The following GALNT8 variants were observed in gnomAD, a reference collection of about 807,000 sequenced individuals.
GALNT8 encodes probable polypeptide N-acetylgalactosaminyltransferase 8.
A neutral mutation model predicts 62.7 loss-of-function variants in GALNT8; 66 were observed. That is an observed-to-expected ratio of 1.05 (90% confidence interval 0.86 to 1.29). The LOEUF is 1.29. GALNT8 is among the 50% of genes most tolerant of loss of function. The probability of loss-of-function intolerance (pLI) is 0.00; values close to 1 mark genes in which losing one functional copy is unlikely to be tolerated. For missense variants in GALNT8, 771 were observed against 791.8 expected (o/e 0.97, Z 0.32); for synonymous variants, 288 against 294.3 (o/e 0.98, Z 0.22).
At chr12:4,731,059 A>T (rs536079783) in intron 2 of GALNT8, among the ~76,000 whole-genome samples, 52 of 152,122 alleles carry the variant, frequency 3.4e-4, no homozygotes, top group African/African-American at 1.1e-3. Flanking sequence ...CATGGTCTCT[A>T]TCTCCTGACC....
chr12:4,743,496 C>T (rs11063326), intron 3 of GALNT8, among the ~76,000 whole-genome samples: 27,172 of 152,090 alleles, frequency 0.18, 2,864 homozygotes, highest in South Asian at 0.24. Flanking sequence ...CAAATATGCT[C>T]GTCTTTTGAG....
intron 4 of GALNT8, among the ~76,000 whole-genome samples, chr12:4,745,028 G>T (rs1387189020): frequency 4.6e-5 from 7 of 152,060 alleles, no homozygotes; most frequent in African/African-American, 9.7e-5. Context: ...TTTTTCCCCA[G>T]CCATGAAATT....
At chr12:4,767,352 A>G (rs538941548) in intron 10 of GALNT8, among the ~76,000 whole-genome samples, 1 of 152,334 alleles carries the variant, frequency 6.6e-6, no homozygotes, top group African/African-American at 2.4e-5. Context: ...CATCTGGCAC[A>G]ACCCCTAGAA....
At chr12:4,766,815 A>G (rs1946402204) in intron 10 of GALNT8, among the ~76,000 whole-genome samples, 1 of 151,988 alleles carries the variant, frequency 6.6e-6, no homozygotes. Flanking sequence ...ACAGTTTCTA[A>G]CTTTTCAAAG....
chr12:4,765,754 C>A (rs534335554), intron 10 of GALNT8, among the ~76,000 whole-genome samples: 2 of 152,096 alleles, frequency 1.3e-5, no homozygotes, highest in Non-Finnish European at 2.9e-5. Context: ...CAGTCTGGGT[C>A]CATTTCTATG....
At chr12:4,748,457 G>A (rs981326953) in intron 6 of GALNT8, among the ~76,000 whole-genome samples, 2 of 152,076 alleles carry the variant, frequency 1.3e-5, no homozygotes, top group African/African-American at 4.8e-5. Flanking sequence ...AGTTTTCCCA[G>A]CACCATTTAT....
At chr12:4,724,209 G>T (rs937325624) in intron 1 of GALNT8, among the ~76,000 whole-genome samples, 1 of 144,858 alleles carries the variant, frequency 6.9e-6, no homozygotes, top group Non-Finnish European at 1.5e-5. Context: ...GTTGAATCAT[G>T]TAAGCTACCA....
chr12:4,722,207 T>C (rs112528666), intron 1 of GALNT8, among the ~76,000 whole-genome samples: 143 of 152,250 alleles, frequency 9.4e-4, no homozygotes, highest in African/African-American at 3.3e-3. Flanking sequence ...CACGCCTATG[T>C]GTGGTAGGGG....
intron 6 of GALNT8, among the ~76,000 whole-genome samples, chr12:4,758,986 G>C (rs868760680): frequency 6.6e-6 from 1 of 152,040 alleles, no homozygotes; most frequent in East Asian, 1.9e-4. Flanking sequence ...ATGTTGGCCA[G>C]GCTGGTCTCA....
intron 6 of GALNT8, among the ~76,000 whole-genome samples, chr12:4,753,407 T>A (rs1315889811): frequency 6.6e-6 from 1 of 152,184 alleles, no homozygotes; most frequent in Non-Finnish European, 1.5e-5. Context: ...AAATAGCCTG[T>A]CCTCAAGCTT....
At chr12:4,760,917 T>C (rs1296257192) in intron 6 of GALNT8, 41 bp from the exon 7 acceptor site, 3 of 1,556,796 alleles carry the variant, frequency 1.9e-6, no homozygotes, top group African/African-American at 1.4e-5. Context: ...TGCAATTCAT[T>C]GGCTGTGAAG....
intron 2 of GALNT8, among the ~76,000 whole-genome samples, chr12:4,733,461 A>G (rs1190707310): frequency 1.3e-5 from 2 of 152,224 alleles, no homozygotes; most frequent in African/African-American, 4.8e-5. Flanking sequence ...AGCCAAGAAT[A>G]TGCAAAAGAT....
chr12:4,740,091 T>C (rs1474762436), intron 3 of GALNT8, among the ~76,000 whole-genome samples: 1 of 152,146 alleles, frequency 6.6e-6, no homozygotes, highest in East Asian at 1.9e-4. Flanking sequence ...TCTCCCTGGG[T>C]CATTAAGCCT....
chr12:4,765,352 C>G, intron 9 of GALNT8, 27 bp from the exon 10 acceptor site: 1 of 1,014,390 alleles, frequency 9.9e-7, no homozygotes, highest in Non-Finnish European at 1.3e-6. Flanking sequence ...GAGCCCTCTG[C>G]TTTTTTTTTT....
intron 1 of GALNT8, among the ~76,000 whole-genome samples, chr12:4,722,702 G>T (rs1946176442): frequency 6.6e-6 from 1 of 152,164 alleles, no homozygotes; most frequent in Non-Finnish European, 1.5e-5. Context: ...TTATGTGTGG[G>T]CAGGGATGTG....
chr12:4,738,098 A>G (rs1173304772), intron 2 of GALNT8, among the ~76,000 whole-genome samples: 1 of 152,164 alleles, frequency 6.6e-6, no homozygotes, highest in Non-Finnish European at 1.5e-5. Context: ...ATCCTTTTAC[A>G]TGGGGGAAAA....
chr12:4,720,812 TC>T lies in GALNT8; in HGVS notation c.137del (p.Pro46LeufsTer4). 1.2e-6 allele frequency: 2 copies of T among 1,612,044 alleles called. No individual in the cohort carries two copies. ...LFTGGLHREL[P>X]LHLNKRYGAV... The stretch of plus-strand genomic sequence containing the variant: ...TTACGGGTGGTCTCCACAGGGAGCT[TC>T]CTTTACATCTGAATAAACGCTACGG... On this transcript the variant is annotated frameshift_variant, in exon 1 of 11. Transcript: ENST00000252318. LOFTEE classifies it high-confidence loss of function.
intron 3 of GALNT8, 119 bp downstream of exon 3, chr12:4,739,448 A>G (rs1309832106): frequency 2.8e-6 from 2 of 702,400 alleles, no homozygotes; most frequent in Non-Finnish European, 4.8e-6. Flanking sequence ...GGGAAAATAA[A>G]AAGATCATTT....
intron 1 of GALNT8, among the ~76,000 whole-genome samples, chr12:4,725,553 CTTTTTTTTTT>C (rs747460695): frequency 5.8e-5 from 7 of 119,696 alleles, no homozygotes; most frequent in Admixed American, 2.8e-4. Context: ...TGAAGACATT[CTTTTTTTTTT>C]TTTTTTTTTT....
Sources: allele counts gnomAD v4.1 joint callset (sites outside exome capture counted in the v4.1 genomes callset), GRCh38; gene constraint gnomAD v4.1.1; transcripts MANE v1.5; gene names NCBI Gene and HGNC (gene_info 2026-07-23, HGNC 2026-07-21).